HMG20A: variants seen among roughly 807,000 people sequenced by gnomAD.
HMG20A encodes high mobility group 20A, also known as high mobility group protein 20A.
HMG20A carries 17 observed loss-of-function variants against 43.9 expected under a neutral mutation model. That is an observed-to-expected ratio of 0.39 (90% CI 0.27 to 0.58). The LOEUF is 0.58. HMG20A is among the 20% of genes least tolerant of loss of function. The pLI is 0.59. For synonymous variants in HMG20A, 132 were observed against 147.5 expected, an observed-to-expected ratio of 0.89 and a Z score of 0.76; for missense variants, 341 against 438.2, an observed-to-expected ratio of 0.78 and a Z score of 1.98.
chr15:77,501,500 C>G, the HMG20A span, among the ~76,000 whole-genome samples: 2 of 152,222 alleles, frequency 1.3e-5, no homozygotes, highest in Non-Finnish European at 2.9e-5. Flanking sequence ...GGGACTCCAT[C>G]TGAGCCCTGG....
chr15:77,480,199 G>A (rs1055952817), intron 9 of HMG20A, among the ~76,000 whole-genome samples: 10 of 152,134 alleles, frequency 6.6e-5, no homozygotes, highest in African/African-American at 1.9e-4. Flanking sequence ...GGCTAAAGTG[G>A]GAGGATCACT....
At chr15:77,518,224 G>A in the HMG20A span, among the ~76,000 whole-genome samples, 29 of 152,084 alleles carry the variant, frequency 1.9e-4, no homozygotes, top group Non-Finnish European at 2.9e-4. Flanking sequence ...AGTGGAAGGC[G>A]GTGGGGGAGC....
At chr15:77,435,980 T>G (rs540572565) in intron 1 of HMG20A, among the ~76,000 whole-genome samples, 1 of 152,326 alleles carries the variant, frequency 6.6e-6, no homozygotes, top group South Asian at 2.1e-4. Flanking sequence ...CTCCTGAGGT[T>G]ATATCATACA....
intron 1 of HMG20A, among the ~76,000 whole-genome samples, chr15:77,432,328 G>GTT (rs1161313718): frequency 1.3e-5 from 2 of 152,154 alleles, no homozygotes; most frequent in Middle Eastern, 3.4e-3. Flanking sequence ...TAAAAAATCA[G>GTT]TTATCTAAAT....
chr15:77,431,061 T>G (rs34981488), intron 1 of HMG20A, among the ~76,000 whole-genome samples: 35,953 of 152,036 alleles, frequency 0.24, 5,088 homozygotes, highest in Middle Eastern at 0.37. Flanking sequence ...CTGTTGAAAG[T>G]AACCAGAGGA....
At chr15:77,422,533 T>C (rs2073378695) in intron 1 of HMG20A, among the ~76,000 whole-genome samples, 1 of 152,128 alleles carries the variant, frequency 6.6e-6, no homozygotes, top group African/African-American at 2.4e-5. Context: ...GGAGAATTGC[T>C]TGAACCCGGG....
chr15:77,510,650 C>T, the HMG20A span, among the ~76,000 whole-genome samples: 10 of 152,196 alleles, frequency 6.6e-5, no homozygotes, highest in Non-Finnish European at 1.5e-4. Flanking sequence ...GGTTCAAGTG[C>T]TGGGTGGACC....
chr15:77,478,948 C>T (rs1459521734), intron 8 of HMG20A, among the ~76,000 whole-genome samples: 1 of 152,204 alleles, frequency 6.6e-6, no homozygotes, highest in East Asian at 1.9e-4. Context: ...CGAGTCTAAC[C>T]TTCTGTTACA....
chr15:77,494,949 G>A, the HMG20A span, among the ~76,000 whole-genome samples: 1 of 152,168 alleles, frequency 6.6e-6, no homozygotes, highest in African/African-American at 2.4e-5. Context: ...AGACTTTTCT[G>A]CAAGATATAT....
intron 1 of HMG20A, among the ~76,000 whole-genome samples, chr15:77,431,922 G>A (rs1275632286): frequency 2.0e-5 from 3 of 151,912 alleles, no homozygotes; most frequent in Non-Finnish European, 4.4e-5. Context: ...AACAGATAAT[G>A]CCCTCCAGGC....
At chr15:77,473,015 A>T (rs1033928560) in intron 6 of HMG20A, among the ~76,000 whole-genome samples, 1 of 152,218 alleles carries the variant, frequency 6.6e-6, no homozygotes, top group Non-Finnish European at 1.5e-5. Context: ...ATAACTGAGA[A>T]TTTGAACAAA....
rs2072924118 is a variant in HMG20A, at chr15:77,483,724, A to G, written c.*761A>G. The G allele has an allele frequency of 6.5e-6, 1 of 152,712 alleles. No individual in the cohort carries two copies. Among genetic ancestry groups the G allele is most frequent in the Non-Finnish European group, 1.5e-5 (1 of 68,102 alleles). 9.5% of individuals were successfully genotyped at this position (152,712 alleles called of 1,614,324 possible). A position where few individuals can be genotyped will look rare whatever the true frequency, so the allele number is the denominator to read the frequency against. ...GCTGTTTTCTAAGCATTGCTCCTGCACAGACATGGAGTCCCAGCCCCAGCA... is the reference window on the plus strand; with the variant it reads ...GCTGTTTTCTAAGCATTGCTCCTGCGCAGACATGGAGTCCCAGCCCCAGCA... On this transcript the variant is annotated 3_prime_UTR_variant, in exon 10 of 10. Transcript: ENST00000336216.
At chr15:77,442,214 C>A (rs551941951) in intron 1 of HMG20A, among the ~76,000 whole-genome samples, 4 of 152,162 alleles carry the variant, frequency 2.6e-5, no homozygotes, top group African/African-American at 9.6e-5. Flanking sequence ...AAATGGTATT[C>A]TTGTTTGATA....
At chr15:77,431,787 C>T (rs930351413) in intron 1 of HMG20A, among the ~76,000 whole-genome samples, 1 of 152,132 alleles carries the variant, frequency 6.6e-6, no homozygotes, top group East Asian at 1.9e-4. Flanking sequence ...CTTTGACCAA[C>T]ATCTTCCCAG....
the HMG20A span, among the ~76,000 whole-genome samples, chr15:77,514,991 C>T: frequency 1.3e-5 from 2 of 152,098 alleles, no homozygotes; most frequent in African/African-American, 4.8e-5. Flanking sequence ...AGGTTTTTTC[C>T]TTGAGTGACT....
rs1021099494 is a variant in HMG20A at position 77,485,369 on chromosome 15, C to T, written c.*2406C>T. 2 of 152,562 alleles carry T rather than the reference C, an allele frequency of 1.3e-5. No individual in the cohort carries two copies. The highest frequency in any genetic ancestry group is 1.9e-4 in the East Asian group (1 of 5,198). The allele number at this position is 152,562 out of a possible 1,614,324, so 9.5% of individuals were successfully genotyped here. ...ATAAGTTGTTGCCTATTCAGTGTTA[C>T]AGATTTCTTTGTTTCTTTTTAATTA... On this transcript the variant is annotated 3_prime_UTR_variant, in exon 10 of 10. Transcript: ENST00000336216.
chr15:77,429,834 T>C (rs113558227), intron 1 of HMG20A, among the ~76,000 whole-genome samples: 1 of 152,104 alleles, frequency 6.6e-6, no homozygotes, highest in Admixed American at 6.5e-5. Context: ...TTTGCAAAAA[T>C]GAAAAGGAGA....
At chr15:77,503,460 C>G in the HMG20A span, among the ~76,000 whole-genome samples, 4 of 152,150 alleles carry the variant, frequency 2.6e-5, no homozygotes, top group Admixed American at 2.6e-4. Flanking sequence ...GGTGAAAATT[C>G]CCAAGCTTAC....
intron 1 of HMG20A, among the ~76,000 whole-genome samples, chr15:77,425,947 A>G (rs1416922564): frequency 6.6e-6 from 1 of 152,208 alleles, no homozygotes; most frequent in Non-Finnish European, 1.5e-5. Flanking sequence ...AACAAAGAGA[A>G]ACAAAGTAGC....
Sources: gnomAD v4.1 joint callset for allele counts (sites outside exome capture counted in the v4.1 genomes callset) on GRCh38, gnomAD v4.1.1 for gene constraint, MANE v1.5 for transcripts, NCBI Gene and HGNC (gene_info 2026-07-23, HGNC 2026-07-21) for gene names.